Variants in FSTL5 observed in about 807,000 individuals in gnomAD.
The protein encoded by FSTL5 is follistatin like 5, also known as follistatin-related protein 5.
A neutral mutation model predicts 89.1 loss-of-function variants in FSTL5; 62 were observed. The ratio of observed to expected loss-of-function variants is 0.70; its 90% CI spans 0.57 to 0.86. The LOEUF is 0.86. Among genes scored for constraint, FSTL5 ranks in the 40% least tolerant of loss-of-function variants. The probability of loss-of-function intolerance (pLI) is 0.00; values close to 1 mark genes in which losing one functional copy is unlikely to be tolerated. For missense variants in FSTL5, 1,057 were observed against 1,001.6 expected (o/e 1.06, Z -0.75); for synonymous variants, 383 against 346.2 (o/e 1.11, Z -1.18).
Position 161,524,885 on chromosome 4 carries a change from G to A in FSTL5, c.1312+13281C>T, listed in dbSNP as rs1446948403. Among the ~76,000 whole-genome samples, 2 of 152,000 alleles carry A rather than the reference G, an allele frequency of 1.3e-5. 1 individual carries two copies. The highest frequency in any genetic ancestry group is 4.1e-4 in the South Asian group (2 of 4,820). The stretch of plus-strand genomic sequence containing the variant: ...AGGCAGGAGAACCTCTTGAACCTGG[G>A]AGGGGGAGGTTGCAGTAAGCTGAGA... On this transcript the variant is annotated intron_variant, in intron 10 of 15. Transcript: ENST00000306100.
chr4:162,090,499 C>A (rs1042328154), intron 2 of FSTL5, among the ~76,000 whole-genome samples: 2 of 152,060 alleles, frequency 1.3e-5, no homozygotes, highest in Admixed American at 1.3e-4. Context: ...AGCTCAAAAT[C>A]ACTAAGCATT....
At chr4:161,578,558 A>G (rs1298183285) in intron 8 of FSTL5, among the ~76,000 whole-genome samples, 1 of 152,140 alleles carries the variant, frequency 6.6e-6, no homozygotes, top group Non-Finnish European at 1.5e-5. Flanking sequence ...TTTGAAAAAA[A>G]TAATGGCCAA....
chr4:161,487,942 G>C (rs966118532), intron 12 of FSTL5, among the ~76,000 whole-genome samples: 14 of 151,976 alleles, frequency 9.2e-5, no homozygotes, highest in African/African-American at 3.4e-4. Flanking sequence ...TATATTTACA[G>C]TCATGTAGAA....
intron 10 of FSTL5, among the ~76,000 whole-genome samples, chr4:161,518,248 G>A (rs1730908956): frequency 6.6e-6 from 1 of 152,182 alleles, no homozygotes. Flanking sequence ...CCAGAAAACT[G>A]TGACCTTAAT....
chr4:162,011,841 A>G (rs78233183), intron 3 of FSTL5, among the ~76,000 whole-genome samples: 3,153 of 151,996 alleles, frequency 0.021, 148 homozygotes, highest in East Asian at 0.19. Flanking sequence ...CAGTTGTTTC[A>G]TTTGTTTTCA....
chr4:162,097,469 A>G (rs113269392), intron 2 of FSTL5, among the ~76,000 whole-genome samples: 17 of 151,952 alleles, frequency 1.1e-4, no homozygotes, highest in African/African-American at 4.1e-4. Flanking sequence ...CCAAGTATGG[A>G]CTTTTATTGT....
intron 7 of FSTL5, among the ~76,000 whole-genome samples, chr4:161,648,382 C>T (rs188714396): frequency 9.9e-5 from 15 of 152,104 alleles, no homozygotes; most frequent in South Asian, 6.2e-4. Context: ...GTTTGAGCAG[C>T]GGGGCATGAA....
chr4:161,442,341 C>G (rs1472983118), intron 15 of FSTL5, among the ~76,000 whole-genome samples: 2 of 151,924 alleles, frequency 1.3e-5, no homozygotes, highest in Non-Finnish European at 2.9e-5. Flanking sequence ...AAACCAGTGG[C>G]CCCATCAATA....
At chr4:161,573,129 G>A (rs748370881) in intron 8 of FSTL5, among the ~76,000 whole-genome samples, 10 of 152,094 alleles carry the variant, frequency 6.6e-5, no homozygotes, top group African/African-American at 9.7e-5. Context: ...CACAAATTTG[G>A]TCAGGCGTGG....
rs565220699 is a variant in FSTL5, at chr4:161,587,361, A to G, written c.1015+94T>C. 11 of 1,105,908 alleles carry G rather than the reference A, an allele frequency of 9.9e-6. 1 individual carries two copies. In the African/African-American group the frequency reaches 1.4e-4, roughly 14 times the overall value. 68.5% of individuals were successfully genotyped at this position (1,105,908 alleles called of 1,614,324 possible). A position where few individuals can be genotyped will look rare whatever the true frequency, so the allele number is the denominator to read the frequency against. ...GAGTCTCAAAACTTGAAATATTATT[A>G]GTACCTTGTAAAAACTCAAAAAATT... On this transcript the variant is annotated intron_variant, in intron 8 of 15. Coordinates refer to ENST00000306100, the MANE Select transcript of FSTL5 (RefSeq NM_020116.5).
chr4:162,008,942 C>T (rs922925), intron 3 of FSTL5, among the ~76,000 whole-genome samples: 151,788 of 152,108 alleles, frequency 1, 75,734 homozygotes, highest in Non-Finnish European at 1. Flanking sequence ...AGATACTTAA[C>T]TGTGTAGACA....
At chr4:161,669,168 A>C (rs1257537873) in intron 6 of FSTL5, among the ~76,000 whole-genome samples, 1 of 151,538 alleles carries the variant, frequency 6.6e-6, no homozygotes, top group Non-Finnish European at 1.5e-5. Context: ...ATAAATAAAT[A>C]GATAATCCAT....
At chr4:161,537,317 G>T (rs893677937) in intron 10 of FSTL5, among the ~76,000 whole-genome samples, 1 of 152,138 alleles carries the variant, frequency 6.6e-6, no homozygotes, top group African/African-American at 2.4e-5. Context: ...TAACAAGTAG[G>T]ATTGAAGAGC....
intron 6 of FSTL5, among the ~76,000 whole-genome samples, chr4:161,730,820 T>C (rs553543806): frequency 6.6e-6 from 1 of 152,210 alleles, no homozygotes; most frequent in African/African-American, 2.4e-5. Flanking sequence ...CAGATGAACA[T>C]TGAAACACCA....
At chr4:161,442,632 G>A (rs557270559) in intron 15 of FSTL5, among the ~76,000 whole-genome samples, 108 of 152,088 alleles carry the variant, frequency 7.1e-4, no homozygotes, top group African/African-American at 2.6e-3. Flanking sequence ...TTTCCTAAGT[G>A]CATTATTTTT....
chr4:161,480,785 T>C (rs1318581285), intron 13 of FSTL5, among the ~76,000 whole-genome samples: 1 of 152,066 alleles, frequency 6.6e-6, no homozygotes, highest in Non-Finnish European at 1.5e-5. Context: ...CAGGTTAATA[T>C]TACAAAGTGT....
At chr4:161,987,797 T>C (rs1398205904) in intron 3 of FSTL5, among the ~76,000 whole-genome samples, 2 of 151,684 alleles carry the variant, frequency 1.3e-5, no homozygotes, top group Non-Finnish European at 2.9e-5. Context: ...GACAACACCA[T>C]GTCTGAGCAC....
chr4:161,683,267 G>C (rs949875791), intron 6 of FSTL5, among the ~76,000 whole-genome samples: 6 of 150,464 alleles, frequency 4.0e-5, no homozygotes, highest in African/African-American at 1.5e-4. Flanking sequence ...CTAGGTGCTA[G>C]GAATTTTTTG....
intron 3 of FSTL5, among the ~76,000 whole-genome samples, chr4:161,974,143 T>C (rs1162595234): frequency 1.3e-5 from 2 of 152,176 alleles, no homozygotes; most frequent in South Asian, 4.1e-4. Context: ...TCCATGCTCA[T>C]GGGTAGGAAG....
Sources: allele counts gnomAD v4.1 joint callset (sites outside exome capture counted in the v4.1 genomes callset), GRCh38; gene constraint gnomAD v4.1.1; transcripts MANE v1.5; gene names NCBI Gene and HGNC (gene_info 2026-07-23, HGNC 2026-07-21).